Variants in TMEM164 observed in about 807,000 individuals in gnomAD.
TMEM164 encodes the protein RP13-360B22.2.
Under a neutral mutation model 18.8 loss-of-function variants are expected in TMEM164, and 4 were observed. That is an observed-to-expected ratio of 0.21 (90% CI 0.10 to 0.49). TMEM164 has a LOEUF of 0.49. Among genes scored for constraint, TMEM164 ranks in the 20% least tolerant of loss-of-function variants. The probability of loss-of-function intolerance (pLI) is 0.98; values close to 1 mark genes in which losing one functional copy is unlikely to be tolerated. For missense variants in TMEM164, 108 were observed against 239.9 expected (o/e 0.45, Z 3.63); for synonymous variants, 86 against 101.7 (o/e 0.85, Z 0.93).
intron 3 of TMEM164, among the ~76,000 whole-genome samples, chrX:110,105,725 C>CACAG: frequency 1.1e-5 from 1 of 93,631 alleles, no homozygotes; most frequent in Admixed American, 1.3e-4. Flanking sequence ...CACACAGACA[C>CACAG]ACACACAGAG....
intron 5 of TMEM164, among the ~76,000 whole-genome samples, chrX:110,163,039 A>G (rs987653534): frequency 1.8e-5 from 2 of 112,398 alleles, no homozygotes; most frequent in African/African-American, 6.5e-5. Flanking sequence ...ACAGCCACCT[A>G]ACTGGTTTCC....
chrX:110,134,838 A>G (rs1462843874), intron 4 of TMEM164, among the ~76,000 whole-genome samples: 1 of 110,435 alleles, frequency 9.1e-6, no homozygotes, highest in Admixed American at 9.7e-5. Flanking sequence ...AATTCTTAAA[A>G]ACTAGAACAA....
rs767177114 is a variant in TMEM164, at chrX:110,107,248, A to G, written c.441-1832A>G. Among the ~76,000 whole-genome samples the G allele has an allele frequency of 1.9e-3, 213 of 111,912 alleles. 2 individuals carry two copies. Among genetic ancestry groups the G allele is most frequent in the African/African-American group, 6.6e-3 (203 of 30,782 alleles). On this transcript the variant is annotated intron_variant, in intron 3 of 6. Transcript: ENST00000372068. ...ATATAAGAGTTTGGGGTCTGGAGTC[A>G]GATAAACCTGGTTTTGAATTCTGAC... is the stretch of plus-strand genomic sequence containing the variant.
intron 5 of TMEM164, among the ~76,000 whole-genome samples, chrX:110,158,269 G>A (rs897130177): frequency 9.0e-6 from 1 of 111,681 alleles, no homozygotes; most frequent in Non-Finnish European, 1.9e-5. Flanking sequence ...GCACTGTGGG[G>A]CCCTCCTGAA....
chrX:110,007,070 A>G (rs927749914), intron 2 of TMEM164, among the ~76,000 whole-genome samples: 2 of 112,154 alleles, frequency 1.8e-5, no homozygotes, highest in Non-Finnish European at 3.8e-5. Flanking sequence ...CAGGAAATAG[A>G]TAAGTTGGAG....
Position 110,175,853 on chromosome X carries a change from G to A in TMEM164, c.*2402G>A, listed in dbSNP as rs758082478. On this transcript the variant is annotated 3_prime_UTR_variant, in exon 7 of 7. Coordinates refer to ENST00000372068, the MANE Select transcript of TMEM164 (RefSeq NM_032227.4). Reference sequence around the variant, plus strand: ...CACTCTTATCTTGGGCCAAGCCAACGTGGAGAGAAGCAACCCAACCAGACT... The same window carrying A: ...CACTCTTATCTTGGGCCAAGCCAACATGGAGAGAAGCAACCCAACCAGACT... 68 of 754,366 alleles carry A rather than the reference G, an allele frequency of 9.0e-5. No individual in the cohort carries two copies. The African/African-American group carries it at 1.4e-3, about 15-fold the overall frequency. The allele number at this position is 754,366 out of a possible 1,213,427, so 62.2% of individuals were successfully genotyped here. A position where few individuals can be genotyped will look rare whatever the true frequency, so the allele number is the denominator to read the frequency against.
chrX:110,038,393 C>T (rs1934943693), intron 2 of TMEM164, among the ~76,000 whole-genome samples: 1 of 111,262 alleles, frequency 9.0e-6, no homozygotes, highest in Non-Finnish European at 1.9e-5. Flanking sequence ...ATTCTCTACC[C>T]TACCTGTACT....
At position 110,023,642 on chromosome X, in the gene TMEM164, G is replaced by A. The variant is rs1041837521; in HGVS notation, c.390+19478G>A. Among the ~76,000 whole-genome samples the A allele has an allele frequency of 2.7e-5, 3 of 111,464 alleles. No individual in the cohort carries two copies. The South Asian group carries it at 1.1e-3, about 42-fold the overall frequency. ...CTTACCAAGTGCCAGGCATCCTGTG[G>A]AATAGATGCTATTATTTGCATTCCC... On this transcript the variant is annotated intron_variant, in intron 2 of 6. Transcript: ENST00000372068.
At chrX:110,004,555 TC>T (rs1932558676) in intron 2 of TMEM164, among the ~76,000 whole-genome samples, 1 of 111,289 alleles carries the variant, frequency 9.0e-6, no homozygotes, top group Admixed American at 9.5e-5. Flanking sequence ...GTAGTTAATT[TC>T]CCAGGGGCCT....
chrX:110,173,558 G>C lies in TMEM164; in HGVS notation c.*107G>C, dbSNP rs1396931106. ...CATGGGAGAGGGCAGTAGGATGTTT[G>C]GTGTATTTCTTTTTCCTCCTTTCTG... is the stretch of plus-strand genomic sequence containing the variant. On this transcript the variant is annotated 3_prime_UTR_variant, in exon 7 of 7. Transcript: ENST00000372068. The C allele has an allele frequency of 1.5e-5, 10 of 663,233 alleles. No homozygotes were observed. The highest frequency in any genetic ancestry group is 6.8e-5 in the East Asian group (2 of 29,555). 54.7% of individuals were successfully genotyped at this position (663,233 alleles called of 1,213,427 possible).
intron 5 of TMEM164, among the ~76,000 whole-genome samples, chrX:110,170,990 C>G (rs1242507254): frequency 1.8e-5 from 2 of 111,886 alleles, no homozygotes; most frequent in Non-Finnish European, 3.8e-5. Context: ...CACCATACTT[C>G]CTCAATGACA....
intron 3 of TMEM164, among the ~76,000 whole-genome samples, chrX:110,068,706 T>C (rs1158367986): frequency 3.6e-5 from 4 of 111,714 alleles, no homozygotes; most frequent in South Asian, 3.7e-4. Context: ...TGGATTTTTT[T>C]TTGTAGTGGT....
intron 4 of TMEM164, 111 bp from the exon 5 acceptor site, chrX:110,144,687 G>T: frequency 2.3e-6 from 1 of 443,071 alleles, no homozygotes; most frequent in Non-Finnish European, 3.9e-6. Flanking sequence ...TTGGTGAAAT[G>T]CATGGGATTG....
intron 4 of TMEM164, among the ~76,000 whole-genome samples, chrX:110,141,784 T>A (rs759218022): frequency 7.1e-5 from 8 of 112,489 alleles, no homozygotes; most frequent in Non-Finnish European, 9.4e-5. Context: ...AAGTGGTAAG[T>A]TCTTGGCTCC....
chrX:110,136,548 T>C (rs1254976869), intron 4 of TMEM164, among the ~76,000 whole-genome samples: 7 of 111,757 alleles, frequency 6.3e-5, no homozygotes, highest in African/African-American at 1.3e-4. Flanking sequence ...CAGGGTTCTG[T>C]CTTTGTAACT....
Position 110,051,593 on chromosome X carries a change from A to AAAAGAAAGAAAG in TMEM164, c.391-15734_391-15723dup, listed in dbSNP as rs367718317. Reference sequence around the variant, plus strand: ...GAGGTAACTTTCTTTCAAAAAAAAAAAAAGAAAGAAAGAAAGAAAGAAAGA... The same window carrying AAAAGAAAGAAAG: ...GAGGTAACTTTCTTTCAAAAAAAAAAAAAGAAAGAAAGAAAGAAAGAAAGAAAGAAAGAAAGA... On this transcript the variant is annotated intron_variant, in intron 2 of 6. Coordinates refer to ENST00000372068, the MANE Select transcript of TMEM164 (RefSeq NM_032227.4). Among the ~76,000 whole-genome samples, 206 of 102,984 alleles carry AAAAGAAAGAAAG rather than the reference A, an allele frequency of 2.0e-3. 1 individual carries two copies. Among genetic ancestry groups the AAAAGAAAGAAAG allele is most frequent in the African/African-American group, 6.4e-3 (184 of 28,909 alleles). The allele number at this position is 102,984 out of a possible 115,157, so 89.4% of individuals were successfully genotyped here.
rs753725085 is a variant in TMEM164, at chrX:110,127,513, C to CAAACA, written c.508-17258_508-17254dup. On this transcript the variant is annotated intron_variant, in intron 4 of 6. Transcript: ENST00000372068. The stretch of plus-strand genomic sequence containing the variant: ...GGGCAACAAGAGCAAAACTCCGTCT[C>CAAACA]AAACAAAACAAAACAAAACAAAACA... Among the ~76,000 whole-genome samples the CAAACA allele has an allele frequency of 6.7e-3, 751 of 111,759 alleles. 3 individuals carry two copies. The highest frequency in any genetic ancestry group is 8.4e-3 in the Non-Finnish European group (446 of 53,083).
chrX:110,019,129 A>G (rs998199260), intron 2 of TMEM164, among the ~76,000 whole-genome samples: 2 of 111,375 alleles, frequency 1.8e-5, no homozygotes, highest in African/African-American at 6.5e-5. Flanking sequence ...CTTGAAAGCC[A>G]TGCATCCTAA....
At chrX:110,127,346 G>A (rs1201565699) in intron 4 of TMEM164, among the ~76,000 whole-genome samples, 1 of 110,974 alleles carries the variant, frequency 9.0e-6, no homozygotes, top group African/African-American at 3.3e-5. Context: ...AACCCCGTCT[G>A]TACTAAAAAT....
Sources: allele counts gnomAD v4.1 joint callset (sites outside exome capture counted in the v4.1 genomes callset), GRCh38; gene constraint gnomAD v4.1.1; transcripts MANE v1.5; gene names NCBI Gene and HGNC (gene_info 2026-07-23, HGNC 2026-07-21).